The following ZDHHC20 variants were observed in gnomAD, a reference collection of about 807,000 sequenced individuals.
The protein encoded by ZDHHC20 is zDHHC palmitoyltransferase 20.
Under a neutral mutation model 57.8 loss-of-function variants are expected in ZDHHC20, and 43 were observed. The observed-to-expected ratio is 0.74, with a 90% CI of 0.58 to 0.96. The LOEUF (loss-of-function observed/expected upper bound fraction) is 0.96. Ranked by LOEUF, ZDHHC20 falls within the 40% of genes least tolerant of loss-of-function variation. ZDHHC20 has a pLI of 0.00. For missense variants in ZDHHC20, 391 were observed against 441.1 expected (o/e 0.89, Z 1.02); for synonymous variants, 157 against 153.0 (o/e 1.03, Z -0.19).
chr13:21,414,603 C>T (rs1879717247), intron 3 of ZDHHC20, among the ~76,000 whole-genome samples: 1 of 146,964 alleles, frequency 6.8e-6, no homozygotes, highest in Non-Finnish European at 1.5e-5. Flanking sequence ...GATCTCCTGA[C>T]CTCGTGATCT....
intron 7 of ZDHHC20, among the ~76,000 whole-genome samples, chr13:21,393,189 C>CTT (rs544664779): frequency 5.3e-5 from 7 of 131,528 alleles, no homozygotes; most frequent in East Asian, 2.1e-4. Context: ...TTTCTTTTTT[C>CTT]TTTTTTTTTT....
chr13:21,402,705 G>T, intron 5 of ZDHHC20, 92 bp downstream of exon 5: 2 of 1,046,832 alleles, frequency 1.9e-6, no homozygotes, highest in Non-Finnish European at 1.4e-6. Flanking sequence ...TTCTTGTCAA[G>T]TGTAAAGCAT....
chr13:21,402,835 A>G lies in ZDHHC20; in HGVS notation c.402T>C (p.Ile134=). The G allele has an allele frequency of 6.3e-7, 1 of 1,598,414 alleles. No homozygotes were observed. The change falls in exon 5 of 13, where the codon ATT becomes ATC. Residue 134 remains isoleucine (I), a synonymous_variant. Transcript: ENST00000400590. ...AGCAGTGATGCGCCCGATCAGGTTT[A>G]ATCAGCTGACATTTTTCACAATATC... ...TIRYCEKCQL[I]KPDRAHHCSA...
At chr13:21,408,797 GT>G (rs1360893126) in intron 4 of ZDHHC20, among the ~76,000 whole-genome samples, 1 of 152,084 alleles carries the variant, frequency 6.6e-6, no homozygotes, top group Non-Finnish European at 1.5e-5. Flanking sequence ...TCAATACCTA[GT>G]TTATTGAGTG....
At chr13:21,416,718 T>A (rs2137884306) in intron 3 of ZDHHC20, among the ~76,000 whole-genome samples, 1 of 152,238 alleles carries the variant, frequency 6.6e-6, no homozygotes, top group Non-Finnish European at 1.5e-5. Context: ...CAGGAATCTT[T>A]CAGGAAGACA....
intron 1 of ZDHHC20, among the ~76,000 whole-genome samples, chr13:21,445,293 G>C (rs1364893054): frequency 1.3e-5 from 2 of 152,086 alleles, no homozygotes; most frequent in Non-Finnish European, 2.9e-5. Flanking sequence ...GTGGATCTGA[G>C]CTTTGGTTTT....
In ZDHHC20 at chr13:21,380,138, T is replaced by C. The variant is rs576279460; in HGVS notation, c.1060+1296A>G. Among the ~76,000 whole-genome samples, 7 of 140,988 alleles carry C rather than the reference T, an allele frequency of 5.0e-5. No individual in the cohort carries two copies. The South Asian group carries it at 1.4e-3, about 28-fold the overall frequency. 92.5% of individuals were successfully genotyped at this position (140,988 alleles called of 152,430 possible). On this transcript the variant is annotated intron_variant, in intron 11 of 12. Coordinates refer to ENST00000400590, the MANE Select transcript of ZDHHC20 (RefSeq NM_001330059.2). Reference sequence around the variant, plus strand: ...CCTTTTTTTCCTTTCTTCCCCGAGATGGAGTCTCACTCTGTCACCCAGGCT... The same window carrying C: ...CCTTTTTTTCCTTTCTTCCCCGAGACGGAGTCTCACTCTGTCACCCAGGCT...
chr13:21,381,447 G>A lies in ZDHHC20; in HGVS notation c.1047C>T (p.Gly349=), dbSNP rs1430823054. The A allele has an allele frequency of 6.2e-7, 1 of 1,613,204 alleles. No individual in the cohort carries two copies. Among genetic ancestry groups the A allele is most frequent in the Non-Finnish European group, 8.5e-7 (1 of 1,179,404 alleles). The change falls in exon 11 of 13, where the codon GGC becomes GGT. Residue 349 remains glycine, a synonymous_variant. Coordinates refer to ENST00000400590, the MANE Select transcript of ZDHHC20 (RefSeq NM_001330059.2). ...SQWLENGAEE[G]IVKSGTNNHV... ...GAGAACTATTACCTGATTTGACGAT[G>A]CCTTCTTCAGCTCCATTCTCCAGCC...
intron 1 of ZDHHC20, among the ~76,000 whole-genome samples, chr13:21,443,409 C>T (rs548528453): frequency 6.6e-6 from 1 of 152,264 alleles, no homozygotes; most frequent in African/African-American, 2.4e-5. Context: ...CTGCAGAGTC[C>T]CTTACTCTTA....
chr13:21,422,892 T>C (rs2137913550), intron 2 of ZDHHC20, among the ~76,000 whole-genome samples: 1 of 152,280 alleles, frequency 6.6e-6, no homozygotes. Flanking sequence ...GTCACCATAT[T>C]TGACTATAGG....
chr13:21,450,430 T>C (rs941936418), intron 1 of ZDHHC20, among the ~76,000 whole-genome samples: 1 of 152,126 alleles, frequency 6.6e-6, no homozygotes, highest in Non-Finnish European at 1.5e-5. Context: ...GAAGGTTGAG[T>C]TTATGTGGGG....
chr13:21,398,235 C>T (rs113687968), intron 7 of ZDHHC20, among the ~76,000 whole-genome samples: 9,505 of 152,056 alleles, frequency 0.063, 909 homozygotes, highest in African/African-American at 0.21. Flanking sequence ...GAGGTCGAGG[C>T]GGGCAGATCA....
At position 21,378,675 on chromosome 13, in the gene ZDHHC20, A is replaced by G; in HGVS notation, c.*26T>C. On this transcript the variant is annotated 3_prime_UTR_variant, in exon 12 of 13. Coordinates refer to ENST00000400590, the MANE Select transcript of ZDHHC20 (RefSeq NM_001330059.2). ...TACTGTCTTACCTTGCTCTTATTCA[A>G]ATGGTTAGTTATGAACAAGTGGTAC... 6.9e-7 allele frequency: 1 copy of G among 1,439,318 alleles called. No homozygotes were observed. The highest frequency in any genetic ancestry group is 9.2e-7 in the Non-Finnish European group (1 of 1,086,714). The allele number at this position is 1,439,318 out of a possible 1,614,324, so 89.2% of individuals were successfully genotyped here.
intron 7 of ZDHHC20, among the ~76,000 whole-genome samples, chr13:21,397,731 G>A (rs972275286): frequency 6.6e-6 from 1 of 152,032 alleles, no homozygotes; most frequent in Admixed American, 6.6e-5. Flanking sequence ...GTGTAAATAT[G>A]AAAACCTACT....
At chr13:21,401,605 TTCTC>T (rs1491430283) in intron 6 of ZDHHC20, 44 bp downstream of exon 6, 5 of 1,511,770 alleles carry the variant, frequency 3.3e-6, no homozygotes, top group Non-Finnish European at 4.4e-6. Flanking sequence ...TTACTCTAAA[TTCTC>T]TCTCTCACCA....
intron 4 of ZDHHC20, chr13:21,404,181 A>C (rs1267628641): frequency 7.6e-6 from 3 of 394,132 alleles, no homozygotes; most frequent in Non-Finnish European, 1.5e-5. Context: ...TTTAACAAAA[A>C]TTTTCCATAC....
chr13:21,432,597 G>C (rs1217874865), intron 1 of ZDHHC20, among the ~76,000 whole-genome samples: 1 of 152,096 alleles, frequency 6.6e-6, no homozygotes, highest in Admixed American at 6.5e-5. Flanking sequence ...CTCCCAAAGT[G>C]CTGGGATTAC....
chr13:21,450,712 C>T (rs146574657), intron 1 of ZDHHC20, among the ~76,000 whole-genome samples: 35 of 151,536 alleles, frequency 2.3e-4, no homozygotes, highest in African/African-American at 8.0e-4. Context: ...ACTACACTCT[C>T]GCATCTGAAA....
intron 3 of ZDHHC20, among the ~76,000 whole-genome samples, chr13:21,414,058 TAATA>T (rs1879593289): frequency 6.6e-6 from 1 of 152,166 alleles, no homozygotes; most frequent in Admixed American, 6.5e-5. Flanking sequence ...AGGAAAGGCT[TAATA>T]TATAGTCTCC....
Sources: allele counts gnomAD v4.1 joint callset (sites outside exome capture counted in the v4.1 genomes callset), GRCh38; gene constraint gnomAD v4.1.1; transcripts MANE v1.5; gene names NCBI Gene and HGNC (gene_info 2026-07-23, HGNC 2026-07-21).